The following STPG2 variants were observed in gnomAD, a reference collection of about 807,000 sequenced individuals.
The protein encoded by STPG2 is sperm-tail PG-rich repeat-containing protein 2.
In STPG2, 56 loss-of-function variants were observed where a neutral mutation model predicts 54.2. That is an observed-to-expected ratio of 1.03 (90% CI 0.83 to 1.29). STPG2 has a LOEUF of 1.29. Among genes scored for constraint, STPG2 ranks in the 50% most tolerant of loss-of-function variants. The pLI is 0.00. For synonymous variants in STPG2, 200 were observed against 181.8 expected, an observed-to-expected ratio of 1.10 and a Z score of -0.81; for missense variants, 596 against 544.9, an observed-to-expected ratio of 1.09 and a Z score of -0.93.
At chr4:97,471,502 G>C (rs1222364058) in intron 4 of STPG2, among the ~76,000 whole-genome samples, 1 of 152,072 alleles carries the variant, frequency 6.6e-6, no homozygotes, top group Non-Finnish European at 1.5e-5. Flanking sequence ...TAATTGAAGT[G>C]ATTCTTGTAC....
chr4:98,008,352 C>T (rs935510601), intron 5 of STPG2, among the ~76,000 whole-genome samples: 5 of 151,740 alleles, frequency 3.3e-5, no homozygotes, highest in African/African-American at 1.2e-4. Flanking sequence ...TCAGAATAAC[C>T]TTCACAAATG....
At position 98,032,599 on chromosome 4, in the gene STPG2, G is replaced by A. The variant is rs571915552; in HGVS notation, c.613-51281C>T. On this transcript the variant is annotated intron_variant, in intron 5 of 10. Transcript: ENST00000295268. The stretch of plus-strand genomic sequence containing the variant: ...ACTTCCGGACCAAGCAGACCTAATG[G>A]ACATCTACAGAACTCTCCACCCCAA... 2.6e-5 allele frequency among the ~76,000 whole-genome samples: 4 copies of A among 152,136 alleles called. No individual in the cohort carries two copies. In the South Asian group the frequency reaches 8.3e-4, roughly 32 times the overall value.
intron 10 of STPG2, among the ~76,000 whole-genome samples, chr4:97,606,394 C>T (rs1327769973): frequency 1.3e-5 from 2 of 151,682 alleles, no homozygotes; most frequent in Non-Finnish European, 2.9e-5. Context: ...TCTGCAAATC[C>T]TATAAGTGGT....
At chr4:97,456,910 A>AAAAAAT (rs1729540470) in intron 4 of STPG2, among the ~76,000 whole-genome samples, 1 of 126,738 alleles carries the variant, frequency 7.9e-6, no homozygotes, top group Non-Finnish European at 1.5e-5. Flanking sequence ...AAAAAAGAAA[A>AAAAAAT]TTAAAAAAAA....
chr4:97,752,656 T>G (rs905125902), intron 9 of STPG2, among the ~76,000 whole-genome samples: 3 of 151,808 alleles, frequency 2.0e-5, no homozygotes, highest in African/African-American at 7.2e-5. Flanking sequence ...CCATACCACT[T>G]TACATTAATT....
intron 4 of STPG2, among the ~76,000 whole-genome samples, chr4:97,445,152 T>C (rs1455949303): frequency 6.6e-6 from 1 of 152,174 alleles, no homozygotes; most frequent in Non-Finnish European, 1.5e-5. Context: ...TTAAATAAAA[T>C]CATTTAAAAA....
At chr4:97,842,284 C>T (rs955481241) in intron 8 of STPG2, among the ~76,000 whole-genome samples, 1 of 151,782 alleles carries the variant, frequency 6.6e-6, no homozygotes, top group African/African-American at 2.4e-5. Flanking sequence ...ATGCTGGACA[C>T]CATTTTCTTT....
In STPG2 at chr4:98,111,427, T is replaced by G. The variant is rs559366436; in HGVS notation, c.388-2122A>C. Among the ~76,000 whole-genome samples, 8 of 152,202 alleles carry G rather than the reference T, an allele frequency of 5.3e-5. No homozygotes were observed. In the South Asian group the frequency reaches 1.2e-3, roughly 24 times the overall value. ...TAGTTGAAACTAAATTGAAAGCACT[T>G]TCCCCTGCCCCTAGTGACTTTCTAG... is the stretch of plus-strand genomic sequence containing the variant. On this transcript the variant is annotated intron_variant, in intron 3 of 10. Coordinates refer to ENST00000295268, the MANE Select transcript of STPG2 (RefSeq NM_174952.3).
intron 4 of STPG2, among the ~76,000 whole-genome samples, chr4:97,538,764 A>G (rs187879510): frequency 2.0e-5 from 3 of 152,176 alleles, no homozygotes. Context: ...GTTCAAATGA[A>G]GGAAAAAATG....
In STPG2 at chr4:97,937,519, C is replaced by T. The variant is rs113516684; in HGVS notation, c.1044+6378G>A. 5.2e-3 allele frequency among the ~76,000 whole-genome samples: 789 copies of T among 152,234 alleles called. 3 individuals carry two copies. Among genetic ancestry groups the T allele is most frequent in the Middle Eastern group, 0.021 (6 of 292 alleles). On this transcript the variant is annotated intron_variant, in intron 8 of 10. Transcript: ENST00000295268. ...TTCTTTCTCATCTTCGTGAGTTTGT[C>T]TAGTGTCAATCTTTCAGGCTGCTGA...
chr4:97,568,820 A>G (rs1433949870), intron 10 of STPG2, among the ~76,000 whole-genome samples: 1 of 152,116 alleles, frequency 6.6e-6, no homozygotes, highest in Non-Finnish European at 1.5e-5. Context: ...AGATCCTAGC[A>G]GTTGTTTGAA....
intron 6 of STPG2, among the ~76,000 whole-genome samples, chr4:97,980,013 G>A (rs533057448): frequency 4.1e-4 from 63 of 151,972 alleles, no homozygotes; most frequent in Non-Finnish European, 8.7e-4. Flanking sequence ...GTGAGCCACC[G>A]TGCCAGGCGA....
At chr4:97,993,754 A>C (rs1735099932) in intron 5 of STPG2, among the ~76,000 whole-genome samples, 1 of 152,012 alleles carries the variant, frequency 6.6e-6, no homozygotes, top group South Asian at 2.1e-4. Flanking sequence ...TTACCATTTC[A>C]ATCTTGCTGC....
intron 10 of STPG2, among the ~76,000 whole-genome samples, chr4:97,701,760 C>T (rs1723784988): frequency 6.6e-6 from 1 of 152,198 alleles, no homozygotes; most frequent in Non-Finnish European, 1.5e-5. Flanking sequence ...GATTAATTAG[C>T]CAATCCCATA....
intron 4 of STPG2, among the ~76,000 whole-genome samples, chr4:97,534,010 T>C (rs1310573495): frequency 1.3e-5 from 2 of 152,124 alleles, no homozygotes; most frequent in Non-Finnish European, 2.9e-5. Context: ...GTTGAACTAT[T>C]TTACATTCCT....
At chr4:97,718,543 C>A (rs1724360062) in intron 9 of STPG2, among the ~76,000 whole-genome samples, 1 of 151,894 alleles carries the variant, frequency 6.6e-6, no homozygotes, top group Non-Finnish European at 1.5e-5. Flanking sequence ...TGAACAAATT[C>A]TGTAGCCTAA....
At chr4:98,032,212 T>A (rs535654720) in intron 5 of STPG2, among the ~76,000 whole-genome samples, 12 of 152,138 alleles carry the variant, frequency 7.9e-5, no homozygotes, top group South Asian at 2.1e-4. Context: ...ATCCCATTAT[T>A]GGTATCTACC....
intron 8 of STPG2, among the ~76,000 whole-genome samples, chr4:97,874,604 G>T (rs1730108426): frequency 2.0e-5 from 3 of 151,754 alleles, no homozygotes; most frequent in African/African-American, 7.2e-5. Flanking sequence ...TATAAAAACA[G>T]ATTCAAATAT....
chr4:97,679,945 G>A (rs1481000461), intron 10 of STPG2, among the ~76,000 whole-genome samples: 5 of 151,668 alleles, frequency 3.3e-5, no homozygotes, highest in South Asian at 2.1e-4. Context: ...GTAGATATGT[G>A]GCGTTATTTC....
Sources: allele counts gnomAD v4.1 joint callset (sites outside exome capture counted in the v4.1 genomes callset), GRCh38; gene constraint gnomAD v4.1.1; transcripts MANE v1.5; gene names NCBI Gene and HGNC (gene_info 2026-07-23, HGNC 2026-07-21).